Variants in NBPF19 observed in about 807,000 individuals in gnomAD.
NBPF19 encodes NBPF member 19.
In NBPF19, 30 loss-of-function variants were observed where a neutral mutation model predicts 45.9. That is an observed-to-expected ratio of 0.65 (90% CI 0.49 to 0.89). NBPF19 has a LOEUF of 0.89. Ranked by LOEUF, NBPF19 falls within the 40% of genes least tolerant of loss-of-function variation. NBPF19 has a pLI of 0.00. For synonymous variants in NBPF19, 183 were observed against 181.2 expected (o/e 1.01, Z -0.08); for missense variants, 495 against 471.8 (o/e 1.05, Z -0.46).
At position 149,487,386 on chromosome 1, in the gene NBPF19, G is replaced by C; in HGVS notation, c.1040+3G>C. 3 of 1,511,210 alleles carry C rather than the reference G, an allele frequency of 2.0e-6. No homozygotes were observed. Among genetic ancestry groups the C allele is most frequent in the Non-Finnish European group, 2.7e-6 (3 of 1,100,172 alleles). 93.6% of individuals were successfully genotyped at this position (1,511,210 alleles called of 1,614,324 possible). On this transcript the variant is annotated splice_donor_region_variant and intron_variant, in intron 9 of 93. Transcript: ENST00000651566. ...GACCAAGAGGCAACAGGTCCCAGGT[G>C]AGTCTGAGAAATTGTGGACAGTTAA... is the stretch of plus-strand genomic sequence containing the variant.
At position 149,478,698 on chromosome 1, in the gene NBPF19, G is replaced by C. The variant is rs1258375625; in HGVS notation, c.279-182G>C. Among the ~76,000 whole-genome samples, 1,031 of 150,246 alleles carry C rather than the reference G, an allele frequency of 6.9e-3. 21 individuals carry two copies. Among genetic ancestry groups the C allele is most frequent in the Admixed American group, 0.011 (165 of 15,042 alleles). ...GATCTTGCAGGAGCCCTCTCTGATAGAGGGAAAGCCTGTAGACCATTTTCT... is the reference window on the plus strand; with the variant it reads ...GATCTTGCAGGAGCCCTCTCTGATACAGGGAAAGCCTGTAGACCATTTTCT... On this transcript the variant is annotated intron_variant, in intron 3 of 93. Transcript: ENST00000651566.
intron 73 of NBPF19, among the ~76,000 whole-genome samples, chr1:149,538,460 T>C (rs1339006637): frequency 5.8e-5 from 2 of 34,308 alleles, no homozygotes; most frequent in African/African-American, 1.6e-4. Context: ...TGTGTGTGTG[T>C]GTGTGTGTGT....
intron 51 of NBPF19, among the ~76,000 whole-genome samples, 175 bp from the exon 52 acceptor site, chr1:149,521,144 G>C (rs1461545867): frequency 1.3e-5 from 1 of 77,656 alleles, no homozygotes; most frequent in Non-Finnish European, 2.8e-5. Flanking sequence ...CTCTTTCATT[G>C]TTTTCTACCT....
chr1:149,486,792 C>G (rs1181247517), intron 8 of NBPF19, among the ~76,000 whole-genome samples: 2 of 150,888 alleles, frequency 1.3e-5, no homozygotes, highest in South Asian at 2.1e-4. Flanking sequence ...CTTCTAAGTT[C>G]GCTTGTTTTA....
intron 9 of NBPF19, among the ~76,000 whole-genome samples, 174 bp downstream of exon 9, chr1:149,487,557 T>A (rs1173107261): frequency 6.6e-6 from 1 of 151,166 alleles, no homozygotes; most frequent in Non-Finnish European, 1.5e-5. Flanking sequence ...TTTCCATTTC[T>A]TCCTACCCTT....
chr1:149,554,557 G>A lies in NBPF19; in HGVS notation c.11351G>A (p.Cys3784Tyr), dbSNP rs1417776767. 1.2e-6 allele frequency: 2 copies of A among 1,608,108 alleles called. No homozygotes were observed. Among genetic ancestry groups the A allele is most frequent in the African/African-American group, 2.7e-5 (2 of 74,634 alleles). The change falls in exon 94 of 94, where the codon TGT (cysteine) becomes TAT (tyrosine). Residue 3784 changes from cysteine (C) to tyrosine (Y), a missense_variant. This residue lies in a region of NBPF19 where 248 missense variants were observed against 95.4 expected (regional missense o/e 2.60). Coordinates refer to ENST00000651566, the MANE Select transcript of NBPF19 (RefSeq NM_001351365.2). ...PEVLQDSLDG[C>Y]YSTPSMYFEL... ...GTCTTACAGGACTCACTGGATGGAT[G>A]TTATTCGACTCCGTCAATGTACTTT...
In NBPF19 at chr1:149,554,709, T is replaced by C. The variant is rs1280369306; in HGVS notation, c.11503T>C (p.Phe3835Leu). Residue 3835 changes from phenylalanine (F) to leucine (L), a missense_variant, in exon 94 of 94, where the codon TTC (phenylalanine) becomes CTC (leucine). Coordinates refer to ENST00000651566, the MANE Select transcript of NBPF19 (RefSeq NM_001351365.2). ...GACGGTGACAAGTCTCCATCTGGTG[T>C]TCCAGATGTTAGTCATATTCCCACA... ...TLTVTSLHLV[F>L]QMLVIFPQ 21 of 1,608,152 alleles carry C rather than the reference T, an allele frequency of 1.3e-5. 2 individuals are homozygous for C. The Admixed American group carries it at 3.2e-4, about 24-fold the overall frequency.
At chr1:149,478,363 C>T (rs2084971919) in intron 3 of NBPF19, among the ~76,000 whole-genome samples, 1 of 151,184 alleles carries the variant, frequency 6.6e-6, no homozygotes, top group African/African-American at 2.4e-5. Flanking sequence ...GTGCTATCAC[C>T]ACCCCACTTA....
chr1:149,521,104 G>GTCTC (rs1428126140), intron 51 of NBPF19, among the ~76,000 whole-genome samples: 8 of 78,878 alleles, frequency 1.0e-4, no homozygotes, highest in Non-Finnish European at 1.6e-4. Context: ...CTCTGTCTCT[G>GTCTC]TCTCTCTCTC....
Position 149,554,646 on chromosome 1 carries a change from A to C in NBPF19, c.11440A>C (p.Ser3814Arg). 1 of 1,608,376 alleles carries C rather than the reference A, an allele frequency of 6.2e-7. No homozygotes were observed. Among genetic ancestry groups the C allele is most frequent in the Non-Finnish European group, 8.5e-7 (1 of 1,176,784 alleles). ...TTACTCATTTGAGGAAGAGCATATC[A>C]GCTTCGCCCTTTACTTGGACAATAG... ...VFYSFEEEHI[S>R]FALYLDNRFF... The change falls in exon 94 of 94, where the codon AGC (serine) becomes CGC (arginine). Residue 3814 changes from serine (S) to arginine (R), a missense_variant. By Grantham distance (110) the Ser-to-Arg change is moderately radical. Coordinates refer to ENST00000651566, the MANE Select transcript of NBPF19 (RefSeq NM_001351365.2).
chr1:149,554,639 G>T lies in NBPF19; in HGVS notation c.11433G>T (p.Glu3811Asp). The change falls in exon 94 of 94, where the codon GAG becomes GAT. Residue 3811 changes from glutamate (E) to aspartate (D), a missense_variant. Coordinates refer to ENST00000651566, the MANE Select transcript of NBPF19 (RefSeq NM_001351365.2). ...GTGTGTTTTACTCATTTGAGGAAGA[G>T]CATATCAGCTTCGCCCTTTACTTGG... ...YRSVFYSFEEEHISFALYLDN... is the reference protein window; with the variant it reads ...YRSVFYSFEEDHISFALYLDN... 6.2e-7 allele frequency: 1 copy of T among 1,608,392 alleles called. No individual in the cohort carries two copies. Among genetic ancestry groups the T allele is most frequent in the Non-Finnish European group, 8.5e-7 (1 of 1,176,802 alleles).
Position 149,486,219 on chromosome 1 carries a change from C to T in NBPF19, c.914C>T (p.Ala305Val). The T allele has an allele frequency of 1.9e-6, 1 of 527,798 alleles. No homozygotes were observed. The highest frequency in any genetic ancestry group is 3.3e-6 in the Non-Finnish European group (1 of 306,390). The allele number at this position is 527,798 out of a possible 1,614,324, so 32.7% of individuals were successfully genotyped here. The change falls in exon 8 of 94, where the codon GCC (alanine) becomes GTC (valine). Residue 305 changes from alanine to valine, a missense_variant. Physicochemically the swap from Ala to Val is moderately conservative, Grantham distance 64. This residue lies in a region of NBPF19 where 146 missense variants were observed against 67.3 expected (regional missense o/e 2.17). Transcript: ENST00000651566. ...CTCTCAATTCCTCCTGAAATGTTGGCCTCGTACCAGTCTTACAGCAGCACA... is the reference window on the plus strand; with the variant it reads ...CTCTCAATTCCTCCTGAAATGTTGGTCTCGTACCAGTCTTACAGCAGCACA... ...STLSIPPEML[A>V]SYQSYSSTFH... is the part of the protein sequence containing the mutation.
rs1372788239 is a variant in NBPF19, at chr1:149,484,501, A to AT, written c.825-1629_825-1628insT. 8.5e-5 allele frequency among the ~76,000 whole-genome samples: 12 copies of AT among 140,652 alleles called. 1 individual carries two copies. Among genetic ancestry groups the AT allele is most frequent in the East Asian group, 5.0e-4 (2 of 4,014 alleles). The allele number at this position is 140,652 out of a possible 152,430, so 92.3% of individuals were successfully genotyped here. A position where few individuals can be genotyped will look rare whatever the true frequency, so the allele number is the denominator to read the frequency against. The stretch of plus-strand genomic sequence containing the variant: ...CCCTAAGACTTAAAGTATTAAAAAA[A>AT]ATATATATATATATACATACACACA... On this transcript the variant is annotated intron_variant, in intron 7 of 93. Coordinates refer to ENST00000651566, the MANE Select transcript of NBPF19 (RefSeq NM_001351365.2).
chr1:149,514,723 GTGTGTGTGTGTGTGTCTA>G (rs2086343424), intron 43 of NBPF19, among the ~76,000 whole-genome samples, 195 bp from the exon 44 acceptor site: 1 of 77,948 alleles, frequency 1.3e-5, no homozygotes, highest in Non-Finnish European at 2.8e-5. Context: ...GTGTGTGTGT[GTGTGTGTGTGTGTGTCTA>G]TCTGTCTTTC....
chr1:149,486,179 G>T lies in NBPF19; in HGVS notation c.874G>T (p.Glu292Ter). 1 of 469,052 alleles carries T rather than the reference G, an allele frequency of 2.1e-6. No individual in the cohort carries two copies. The highest frequency in any genetic ancestry group is 2.1e-5 in the South Asian group (1 of 47,144). 29.1% of individuals were successfully genotyped at this position (469,052 alleles called of 1,614,324 possible). ...EEEVPQESWD[E>*]GYSTLSIPPE... ...GGAAGTCCCCCAGGAGTCCTGGGAT[G>T]AAGGTTATTCGACTCTCTCAATTCC... The change falls in exon 8 of 94, where the codon GAA (glutamate) becomes TAA (stop). Residue 292 changes from glutamate to a stop codon, truncating the protein, a stop_gained. Transcript: ENST00000651566. LOFTEE classifies it high-confidence loss of function.
At position 149,515,815 on chromosome 1, in the gene NBPF19, AT is replaced by A; in HGVS notation, c.5324-5del. On this transcript the variant is annotated splice_polypyrimidine_tract_variant and splice_region_variant and intron_variant, in intron 44 of 93. Transcript: ENST00000651566. The stretch of plus-strand genomic sequence containing the variant: ...AATGTGTCTGTCCATGTCTGAATTT[AT>A]TGCAGAAATTGAAAAGAAGGGGAAG... 1 of 128,956 alleles carries A rather than the reference AT, an allele frequency of 7.8e-6. No homozygotes were observed. The highest frequency in any genetic ancestry group is 3.5e-5 in the South Asian group (1 of 28,490). The allele number at this position is 128,956 out of a possible 1,614,324, so 8.0% of individuals were successfully genotyped here. A position where few individuals can be genotyped will look rare whatever the true frequency, so the allele number is the denominator to read the frequency against.
chr1:149,554,122 T>C (rs2087132261), intron 93 of NBPF19, among the ~76,000 whole-genome samples: 1 of 138,742 alleles, frequency 7.2e-6, no homozygotes, highest in African/African-American at 2.6e-5. Context: ...GGCCACTGCA[T>C]CGAATTTTGA....
At chr1:149,486,007 G>T in intron 7 of NBPF19, 123 bp from the exon 8 acceptor site, 4 of 177,050 alleles carry the variant, frequency 2.3e-5, no homozygotes, top group South Asian at 1.2e-4. Flanking sequence ...TCTCTTGAAG[G>T]AAAAATGCCT....
In NBPF19 at chr1:149,554,706, G is replaced by A. The variant is rs1274775066; in HGVS notation, c.11500G>A (p.Val3834Met). Residue 3834 changes from valine to methionine, a missense_variant, in exon 94 of 94, where the codon GTG (valine) becomes ATG (methionine). Physicochemically the swap from Val to Met is conservative, Grantham distance 21 (BLOSUM62 1). Around this residue, in one of 8 missense-constraint regions of NBPF19, gnomAD observed 248 missense variants for 95.4 expected, o/e 2.60. Coordinates refer to ENST00000651566, the MANE Select transcript of NBPF19 (RefSeq NM_001351365.2). Reference sequence around the variant, plus strand: ...TTTGACGGTGACAAGTCTCCATCTGGTGTTCCAGATGTTAGTCATATTCCC... The same window carrying A: ...TTTGACGGTGACAAGTCTCCATCTGATGTTCCAGATGTTAGTCATATTCCC... ...FTLTVTSLHL[V>M]FQMLVIFPQ 146 of 1,608,254 alleles carry A rather than the reference G, an allele frequency of 9.1e-5. 1 individual carries two copies. In the African/African-American group the frequency reaches 1.6e-3, roughly 17 times the overall value.
Sources: allele counts gnomAD v4.1 joint callset (sites outside exome capture counted in the v4.1 genomes callset), GRCh38; gene constraint gnomAD v4.1.1; regional missense constraint gnomAD v4.1.1; transcripts MANE v1.5; gene names NCBI Gene and HGNC (gene_info 2026-07-23, HGNC 2026-07-21).